LAMA2: variants seen among roughly 807,000 people sequenced by gnomAD.
The protein encoded by LAMA2 is laminin subunit alpha 2.
A neutral mutation model predicts 364.8 loss-of-function variants in LAMA2; 269 were observed. The ratio of observed to expected loss-of-function variants is 0.74; its 90% CI spans 0.67 to 0.82. The LOEUF (loss-of-function observed/expected upper bound fraction) is 0.82, where lower values mean the gene tolerates loss of function less well. Among genes scored for constraint, LAMA2 ranks in the 40% least tolerant of loss-of-function variants. LAMA2 has a pLI of 0.00. For synonymous variants in LAMA2, 1,379 were observed against 1,370.6 expected (o/e 1.01, Z -0.14); for missense variants, 3,807 against 3,873.2 (o/e 0.98, Z 0.45).
intron 1 of LAMA2, among the ~76,000 whole-genome samples, chr6:129,033,056 A>G (rs1048939504): frequency 3.9e-5 from 6 of 152,150 alleles, no homozygotes; most frequent in African/African-American, 1.4e-4. Context: ...ATATAGCTCT[A>G]TACTTTCAGA....
intron 8 of LAMA2, among the ~76,000 whole-genome samples, chr6:129,163,060 T>C (rs1013824250): frequency 1.3e-5 from 2 of 152,218 alleles, no homozygotes; most frequent in Non-Finnish European, 2.9e-5. Context: ...CTAGGAACTA[T>C]AAATTGAGAT....
chr6:129,373,305 C>T (rs1778191627), intron 34 of LAMA2, among the ~76,000 whole-genome samples: 1 of 152,002 alleles, frequency 6.6e-6, no homozygotes, highest in Non-Finnish European at 1.5e-5. Flanking sequence ...TTAGTTAATT[C>T]CAATACTATT....
chr6:129,115,641 G>T (rs1290613359), intron 4 of LAMA2, among the ~76,000 whole-genome samples: 4 of 152,054 alleles, frequency 2.6e-5, no homozygotes, highest in Non-Finnish European at 5.9e-5. Flanking sequence ...GGCAGAAATG[G>T]TTGAGATCTG....
intron 58 of LAMA2, among the ~76,000 whole-genome samples, chr6:129,500,574 A>G (rs1222172183): frequency 6.6e-6 from 1 of 152,226 alleles, no homozygotes; most frequent in Non-Finnish European, 1.5e-5. Context: ...TGTAACCTGT[A>G]ATGATTCTTA....
At position 129,223,005 on chromosome 6, in the gene LAMA2, T is replaced by A. The variant is rs151062581; in HGVS notation, c.1783-27107T>A. On this transcript the variant is annotated intron_variant, in intron 12 of 64. Coordinates refer to ENST00000421865, the MANE Select transcript of LAMA2 (RefSeq NM_000426.4). Reference sequence around the variant, plus strand: ...TTCTCCACATCCTCTCCAGCACCTGTTGTTTCCAGACTTTTTAATGATCAC... The same window carrying A: ...TTCTCCACATCCTCTCCAGCACCTGATGTTTCCAGACTTTTTAATGATCAC... Among the ~76,000 whole-genome samples the A allele has an allele frequency of 5.0e-3, 763 of 152,310 alleles. 6 individuals carry two copies. The highest frequency in any genetic ancestry group is 0.018 in the African/African-American group (733 of 41,558).
chr6:129,278,317 C>G (rs1245703002), intron 17 of LAMA2, among the ~76,000 whole-genome samples: 1 of 152,166 alleles, frequency 6.6e-6, no homozygotes, highest in Non-Finnish European at 1.5e-5. Context: ...GGTTTTCTTT[C>G]AATCAGTGTA....
chr6:129,200,442 ATATATG>A (rs1782199805), intron 12 of LAMA2, among the ~76,000 whole-genome samples: 1 of 149,880 alleles, frequency 6.7e-6, no homozygotes, highest in African/African-American at 2.5e-5. Flanking sequence ...ACACATATAC[ATATATG>A]TATATATATA....
At position 128,917,591 on chromosome 6, in the gene LAMA2, G is replaced by T. The variant is rs1189400723; in HGVS notation, c.112+34234G>T. Among the ~76,000 whole-genome samples, 3 of 151,738 alleles carry T rather than the reference G, an allele frequency of 2.0e-5. No individual in the cohort carries two copies. In the East Asian group the frequency reaches 5.8e-4, roughly 29 times the overall value. On this transcript the variant is annotated intron_variant, in intron 1 of 64. Transcript: ENST00000421865. ...ACTAGTTCTTCCCCATGGAATTTTA[G>T]TTTCTCCACAACCACTTTACTGAAT...
chr6:129,139,492 T>C (rs1777990358), intron 4 of LAMA2, among the ~76,000 whole-genome samples: 1 of 152,152 alleles, frequency 6.6e-6, no homozygotes, highest in African/African-American at 2.4e-5. Flanking sequence ...TTTAAATAAT[T>C]TTGAAATATG....
At chr6:129,229,423 G>T (rs1385380385) in intron 12 of LAMA2, among the ~76,000 whole-genome samples, 1 of 152,168 alleles carries the variant, frequency 6.6e-6, no homozygotes. Context: ...GATGGGGTAA[G>T]AGTGGGGAAG....
intron 33 of LAMA2, among the ~76,000 whole-genome samples, chr6:129,366,626 A>C (rs1017887512): frequency 1.3e-5 from 2 of 152,246 alleles, no homozygotes; most frequent in African/African-American, 4.8e-5. Context: ...ATGTGCAAAC[A>C]TAAAATCAGG....
At chr6:129,363,110 AT>A (rs1011029925) in intron 32 of LAMA2, among the ~76,000 whole-genome samples, 1 of 152,166 alleles carries the variant, frequency 6.6e-6, no homozygotes, top group African/African-American at 2.4e-5. Context: ...GGAGTCTGAC[AT>A]CAGCCAGGGC....
chr6:128,929,359 A>G, intron 1 of LAMA2: 1 of 1,060,888 alleles, frequency 9.4e-7, no homozygotes, highest in South Asian at 1.3e-5. Flanking sequence ...TGAGACCTCG[A>G]GAGAATACAA....
At chr6:129,330,858 C>T (rs1026761085) in intron 29 of LAMA2, among the ~76,000 whole-genome samples, 3 of 151,818 alleles carry the variant, frequency 2.0e-5, no homozygotes, top group African/African-American at 7.3e-5. Flanking sequence ...CTACCATCTC[C>T]TCCATACCTG....
chr6:129,341,787 T>C (rs1562476948), intron 29 of LAMA2, among the ~76,000 whole-genome samples: 1 of 152,250 alleles, frequency 6.6e-6, no homozygotes, highest in Non-Finnish European at 1.5e-5. Flanking sequence ...ATGTCTCTTA[T>C]TATGCAAGCA....
rs754376754 is a variant in LAMA2, at chr6:129,280,162, C to A, written c.2537+15C>A. 2 of 1,484,718 alleles carry A rather than the reference C, an allele frequency of 1.3e-6. No homozygotes were observed. Among genetic ancestry groups the A allele is most frequent in the Admixed American group, 1.7e-5 (1 of 59,754 alleles). The allele number at this position is 1,484,718 out of a possible 1,614,324, so 92.0% of individuals were successfully genotyped here. ...CGCTGTGAGAGGTAAGAGTATACTA[C>A]ACTGTCTTGCAAAATGATTTCTACC... On this transcript the variant is annotated intron_variant, in intron 18 of 64. Transcript: ENST00000421865.
intron 17 of LAMA2, among the ~76,000 whole-genome samples, chr6:129,279,842 G>A (rs1788593983): frequency 6.6e-6 from 1 of 152,122 alleles, no homozygotes; most frequent in South Asian, 2.1e-4. Flanking sequence ...ACATGTCACA[G>A]GGATACTGCT....
chr6:129,096,779 C>G (rs1344212403), intron 3 of LAMA2, among the ~76,000 whole-genome samples: 1 of 152,210 alleles, frequency 6.6e-6, no homozygotes, highest in East Asian at 1.9e-4. Context: ...AAGGCTAATA[C>G]TAACCCTACT....
chr6:129,102,134 T>C (rs1026441251), intron 4 of LAMA2, among the ~76,000 whole-genome samples: 48 of 148,964 alleles, frequency 3.2e-4, no homozygotes, highest in Non-Finnish European at 6.7e-4. Context: ...TTCTTTCTTT[T>C]TTTTTTTTTT....
Sources: allele counts gnomAD v4.1 joint callset (sites outside exome capture counted in the v4.1 genomes callset), GRCh38; gene constraint gnomAD v4.1.1; transcripts MANE v1.5; gene names NCBI Gene and HGNC (gene_info 2026-07-23, HGNC 2026-07-21).